Variants in PHTF1 observed in about 807,000 individuals in gnomAD.
The protein encoded by PHTF1 is protein PHTF1.
PHTF1 carries 88 observed loss-of-function variants against 102.4 expected under a neutral mutation model. The ratio of observed to expected loss-of-function variants is 0.86; its 90% confidence interval spans 0.72 to 1.03. The LOEUF is 1.03. Among genes scored for constraint, PHTF1 ranks in the 50% least tolerant of loss-of-function variants. The pLI, the probability that PHTF1 is intolerant of heterozygous loss-of-function variation, is 0.00. For missense variants in PHTF1, 814 were observed against 909.5 expected (o/e 0.89, Z 1.35); for synonymous variants, 289 against 305.2 (o/e 0.95, Z 0.55).
chr1:113,715,601 T>C (rs1316142843), intron 7 of PHTF1, among the ~76,000 whole-genome samples: 1 of 123,196 alleles, frequency 8.1e-6, no homozygotes, highest in African/African-American at 3.2e-5. Context: ...TGAGCCGAGA[T>C]TGTACCATTG....
At chr1:113,752,530 A>ACTACAGGC (rs1658253899) in intron 3 of PHTF1, among the ~76,000 whole-genome samples, 1 of 149,206 alleles carries the variant, frequency 6.7e-6, no homozygotes. Context: ...CCTCCCCAGT[A>ACTACAGGC]GCCTGCAACC....
At chr1:113,701,432 T>A (rs1278269150) in intron 15 of PHTF1, among the ~76,000 whole-genome samples, 1 of 152,190 alleles carries the variant, frequency 6.6e-6, no homozygotes, top group East Asian at 1.9e-4. Context: ...TGTGTCAAAT[T>A]TTCCGGTAAA....
chr1:113,748,706 T>C (rs1571243974), intron 3 of PHTF1, among the ~76,000 whole-genome samples: 1 of 152,038 alleles, frequency 6.6e-6, no homozygotes, highest in Non-Finnish European at 1.5e-5. Context: ...GCTAATTTTT[T>C]TGTATTTTTT....
At chr1:113,699,405 C>G in intron 17 of PHTF1, 1 of 525,192 alleles carries the variant, frequency 1.9e-6, no homozygotes, top group South Asian at 1.7e-5. Context: ...GAACCTGGTC[C>G]TTGATGCACA....
chr1:113,742,768 T>C (rs1656605417), intron 3 of PHTF1, among the ~76,000 whole-genome samples: 1 of 152,214 alleles, frequency 6.6e-6, no homozygotes, highest in Non-Finnish European at 1.5e-5. Context: ...TGTAGTACAC[T>C]ATTGTAGACT....
chr1:113,753,407 CCTT>C (rs1368012189), intron 3 of PHTF1, among the ~76,000 whole-genome samples: 3 of 148,654 alleles, frequency 2.0e-5, no homozygotes, highest in African/African-American at 7.5e-5. Context: ...GCTTATCTGA[CCTT>C]CTTAATTAGG....
At chr1:113,699,675 G>A (rs760856774) in intron 17 of PHTF1, 29 bp downstream of exon 17, 3 of 884,306 alleles carry the variant, frequency 3.4e-6, no homozygotes, top group Non-Finnish European at 5.6e-6. Context: ...TCAAATGATA[G>A]TAAAAGTGTA....
intron 5 of PHTF1, among the ~76,000 whole-genome samples, chr1:113,727,112 GA>G (rs1056471318): frequency 2.0e-5 from 3 of 151,830 alleles, no homozygotes; most frequent in African/African-American, 7.3e-5. Flanking sequence ...AAATGAAATG[GA>G]AAAATATCAA....
intron 3 of PHTF1, among the ~76,000 whole-genome samples, chr1:113,755,424 AT>A (rs199578049): frequency 1.3e-5 from 2 of 151,318 alleles, no homozygotes; most frequent in Non-Finnish European, 2.9e-5. Flanking sequence ...TAGCTGAGTA[AT>A]TTTTTTTTCA....
chr1:113,702,530 T>A (rs370020432), intron 15 of PHTF1, among the ~76,000 whole-genome samples: 59 of 150,920 alleles, frequency 3.9e-4, no homozygotes, highest in African/African-American at 1.4e-3. Flanking sequence ...AGCAGGAGGA[T>A]CCCTTGAAGC....
rs377075185 is a variant in PHTF1 at position 113,738,370 on chromosome 1, C to G, written c.173-102G>C. 4.8e-5 allele frequency: 38 copies of G among 790,676 alleles called. No individual in the cohort carries two copies. The African/African-American group carries it at 6.2e-4, about 13-fold the overall frequency. 49.0% of individuals were successfully genotyped at this position (790,676 alleles called of 1,614,324 possible). ...AAATAGGTGAGTGCAAAAATCAGCACAAAACCTGTTCAGTTAAAAAAAAAA... is the reference window on the plus strand; with the variant it reads ...AAATAGGTGAGTGCAAAAATCAGCAGAAAACCTGTTCAGTTAAAAAAAAAA... On this transcript the variant is annotated intron_variant, in intron 4 of 18. Coordinates refer to ENST00000369604, the MANE Select transcript of PHTF1 (RefSeq NM_001323043.2).
Position 113,713,474 on chromosome 1 carries a change from T to C in PHTF1, c.624-36A>G, listed in dbSNP as rs756573082. On this transcript the variant is annotated intron_variant, in intron 7 of 18. Coordinates refer to ENST00000369604, the MANE Select transcript of PHTF1 (RefSeq NM_001323043.2). ...AAAAAGGAAAAGAAGATTAATTTTT[T>C]GAAAGTAACACCTTTCATGAAACCA... 4 of 1,189,640 alleles carry C rather than the reference T, an allele frequency of 3.4e-6. No homozygotes were observed. In the Admixed American group the frequency reaches 6.8e-5, roughly 20 times the overall value. The allele number at this position is 1,189,640 out of a possible 1,614,324, so 73.7% of individuals were successfully genotyped here.
chr1:113,733,155 G>C (rs563384284), intron 5 of PHTF1, among the ~76,000 whole-genome samples: 18 of 134,956 alleles, frequency 1.3e-4, no homozygotes, highest in African/African-American at 5.1e-4. Context: ...TCCCACCTCA[G>C]CTTCTCAAAG....
rs2635996 is a variant in PHTF1, at chr1:113,759,465, G to C, written c.-473C>G. On this transcript the variant is annotated 5_prime_UTR_variant, in exon 1 of 19. Transcript: ENST00000369604. ...CGCTCGTCTTCTGCGGGCCGCGCCG[G>C]GATGCAGTGACTCAGCCGTCTGAGA... The C allele has an allele frequency of 6.6e-6, 1 of 152,548 alleles. No homozygotes were observed. The highest frequency in any genetic ancestry group is 2.4e-5 in the African/African-American group (1 of 41,590). The allele number at this position is 152,548 out of a possible 1,614,324, so 9.4% of individuals were successfully genotyped here. A position where few individuals can be genotyped will look rare whatever the true frequency, so the allele number is the denominator to read the frequency against.
chr1:113,719,454 T>C lies in PHTF1; in HGVS notation c.623+5305A>G, dbSNP rs566287893. ...AATTTTTTCCGCCAGATACCCTAAA[T>C]CATCTCTCTTAAGTTCAAAGTTCCA... On this transcript the variant is annotated intron_variant, in intron 7 of 18. Transcript: ENST00000369604. Among the ~76,000 whole-genome samples the C allele has an allele frequency of 3.9e-5, 6 of 152,306 alleles. No individual in the cohort carries two copies. The East Asian group carries it at 1.2e-3, about 29-fold the overall frequency.
In PHTF1 at chr1:113,758,642, AT is replaced by A. The variant is rs747847856; in HGVS notation, c.45+16del. The A allele has an allele frequency of 3.0e-5, 43 of 1,436,270 alleles. No homozygotes were observed. The highest frequency in any genetic ancestry group is 1.1e-4 in the South Asian group (8 of 76,104). The allele number at this position is 1,436,270 out of a possible 1,614,324, so 89.0% of individuals were successfully genotyped here. ...GAAGAATGCTTTACAAATAAAAAAA[AT>A]ATATATATGTATTACCTTCTTTTGG... is the stretch of plus-strand genomic sequence containing the variant. On this transcript the variant is annotated intron_variant, in intron 2 of 18. Transcript: ENST00000369604.
chr1:113,727,512 T>C (rs1302689539), intron 5 of PHTF1, among the ~76,000 whole-genome samples: 1 of 152,210 alleles, frequency 6.6e-6, no homozygotes, highest in African/African-American at 2.4e-5. Flanking sequence ...AATTTGACAT[T>C]TAAAAGTAGA....
intron 15 of PHTF1, among the ~76,000 whole-genome samples, chr1:113,702,869 A>C (rs1649606851): frequency 6.6e-6 from 1 of 152,246 alleles, no homozygotes; most frequent in East Asian, 1.9e-4. Context: ...TGAAAGGCAA[A>C]GCCTGACATT....
At chr1:113,734,255 G>T (rs1655144933) in intron 5 of PHTF1, among the ~76,000 whole-genome samples, 1 of 152,076 alleles carries the variant, frequency 6.6e-6, no homozygotes, top group Non-Finnish European at 1.5e-5. Context: ...GCAAGACTCT[G>T]TCTTGAAAAA....
Sources: allele counts gnomAD v4.1 joint callset (sites outside exome capture counted in the v4.1 genomes callset), GRCh38; gene constraint gnomAD v4.1.1; transcripts MANE v1.5; gene names NCBI Gene and HGNC (gene_info 2026-07-23, HGNC 2026-07-21).